Variants in GTF3A observed in about 807,000 individuals in gnomAD.
GTF3A encodes general transcription factor IIIA.
A neutral mutation model predicts 37.6 loss-of-function variants in GTF3A; 40 were observed. That is an observed-to-expected ratio of 1.06 (90% CI 0.83 to 1.38). The LOEUF (loss-of-function observed/expected upper bound fraction) is 1.38, where lower values mean the gene tolerates loss of function less well. Ranked by LOEUF, GTF3A falls within the 40% of genes most tolerant of loss-of-function variation. The pLI, the probability that GTF3A is intolerant of heterozygous loss-of-function variation, is 0.00. For synonymous variants in GTF3A, 191 were observed against 166.7 expected (o/e 1.15, Z -1.12); for missense variants, 500 against 462.6 (o/e 1.08, Z -0.74).
intron 1 of GTF3A, among the ~76,000 whole-genome samples, chr13:27,426,875 C>T (rs1407205477): frequency 6.6e-6 from 1 of 152,146 alleles, no homozygotes; most frequent in African/African-American, 2.4e-5. Context: ...GTTCATGGAA[C>T]AAAAATCTGT....
intron 7 of GTF3A, 23 bp from the exon 8 acceptor site, chr13:27,435,110 A>C (rs117163394): frequency 0.026 from 40,928 of 1,594,472 alleles, 654 homozygotes; most frequent in Middle Eastern, 0.051. Context: ...ATATTTCATT[A>C]ATAACTTTCT....
At chr13:27,433,296 A>G (rs2138027925) in intron 5 of GTF3A, among the ~76,000 whole-genome samples, 1 of 147,930 alleles carries the variant, frequency 6.8e-6, no homozygotes, top group East Asian at 2.0e-4. Flanking sequence ...CTGTATTTCA[A>G]TTTCCCAGGT....
rs749148883 is a variant in GTF3A at position 27,435,532 on chromosome 13, GGA to G, written c.1037_1038del (p.Glu346ValfsTer53). On this transcript the variant is annotated frameshift_variant, in exon 9 of 9. Coordinates refer to ENST00000381140, the MANE Select transcript of GTF3A (RefSeq NM_002097.3). LOFTEE classifies it low-confidence loss of function (END_TRUNC). ...GCAAGGCTTATCTTTGTGTCAAAACGGAGAGTCACCCAACTGTGTGGAAGACA... is the reference window on the plus strand; with the variant it reads ...GCAAGGCTTATCTTTGTGTCAAAACGGAGTCACCCAACTGTGTGGAAGACA... 1.9e-6 allele frequency: 3 copies of G among 1,613,312 alleles called. No individual in the cohort carries two copies. The highest frequency in any genetic ancestry group is 2.5e-6 in the Non-Finnish European group (3 of 1,179,490).
At chr13:27,425,454 C>T (rs1413324308) in intron 1 of GTF3A, 1 of 152,912 alleles carries the variant, frequency 6.5e-6, no homozygotes, top group Non-Finnish European at 1.5e-5. Context: ...GTGTTGTGGT[C>T]AGGAAAGGCC....
At position 27,434,148 on chromosome 13, in the gene GTF3A, G is replaced by A. The variant is rs767258413; in HGVS notation, c.572G>A (p.Cys191Tyr). ...CCAATTTTTTTAATAGGCTATGTATGTCAAAAAGGATGTTCCTTTGTGGCA... is the reference window on the plus strand; with the variant it reads ...CCAATTTTTTTAATAGGCTATGTATATCAAAAAGGATGTTCCTTTGTGGCA... Residue 191 changes from cysteine (C) to tyrosine (Y), a missense_variant, in exon 6 of 9, where the codon TGT becomes TAT. Coordinates refer to ENST00000381140, the MANE Select transcript of GTF3A (RefSeq NM_002097.3). 2 of 1,272,952 alleles carry A rather than the reference G, an allele frequency of 1.6e-6. No individual in the cohort carries two copies. The highest frequency in any genetic ancestry group is 4.6e-5 in the East Asian group (2 of 43,352). 78.9% of individuals were successfully genotyped at this position (1,272,952 alleles called of 1,614,324 possible). A position where few individuals can be genotyped will look rare whatever the true frequency, so the allele number is the denominator to read the frequency against.
chr13:27,430,126 G>GAA (rs373117287), intron 3 of GTF3A, among the ~76,000 whole-genome samples, 160 bp downstream of exon 3: 19,194 of 142,120 alleles, frequency 0.14, 1,599 homozygotes, highest in Non-Finnish European at 0.19. Context: ...TGCTGTCTCT[G>GAA]AAAAAAAAAA....
chr13:27,432,524 G>C (rs533622564), intron 4 of GTF3A, among the ~76,000 whole-genome samples: 1 of 152,274 alleles, frequency 6.6e-6, no homozygotes, highest in African/African-American at 2.4e-5. Flanking sequence ...AAAAAGTAAC[G>C]TGACTTTTTT....
At chr13:27,434,611 G>A (rs1953691882) in intron 6 of GTF3A, 194 bp from the exon 7 acceptor site, 2 of 580,138 alleles carry the variant, frequency 3.4e-6, no homozygotes, top group South Asian at 2.3e-5. Flanking sequence ...ATGACTGTGT[G>A]GCATTTAAGA....
At chr13:27,435,407 ATCG>A in intron 8 of GTF3A, 23 bp from the exon 9 acceptor site, 1 of 1,602,762 alleles carries the variant, frequency 6.2e-7, no homozygotes, top group Non-Finnish European at 8.5e-7. Flanking sequence ...TTGAATTCTA[ATCG>A]TGTGTCTTCC....
At chr13:27,434,060 C>T (rs1865281332) in intron 5 of GTF3A, 79 bp from the exon 6 acceptor site, 2 of 726,888 alleles carry the variant, frequency 2.8e-6, no homozygotes, top group Non-Finnish European at 5.1e-6. Flanking sequence ...ATTATATAGG[C>T]ACCTAAGTTT....
intron 1 of GTF3A, among the ~76,000 whole-genome samples, chr13:27,426,680 A>C (rs1244391278): frequency 6.6e-6 from 1 of 152,160 alleles, no homozygotes. Flanking sequence ...GTCTGGGATG[A>C]GACAGGCCTC....
chr13:27,434,459 C>T (rs1227855116), intron 6 of GTF3A, among the ~76,000 whole-genome samples: 2 of 152,162 alleles, frequency 1.3e-5, no homozygotes, highest in Non-Finnish European at 2.9e-5. Flanking sequence ...TGAAGAATTT[C>T]GGGAGGCACT....
rs772932088 is a variant in GTF3A at position 27,434,816 on chromosome 13, T to A, written c.655T>A (p.Cys219Ser). ...GTCTGTCCCACCAGAGGAAATACTATGTGAAGTATGCCGGAAAACATTTAA... is the reference window on the plus strand; with the variant it reads ...GTCTGTCCCACCAGAGGAAATACTAAGTGAAGTATGCCGGAAAACATTTAA... The change falls in exon 7 of 9, where the codon TGT becomes AGT. Residue 219 changes from cysteine (C) to serine (S), a missense_variant. Coordinates refer to ENST00000381140, the MANE Select transcript of GTF3A (RefSeq NM_002097.3). The A allele has an allele frequency of 1.2e-6, 2 of 1,606,068 alleles. No individual in the cohort carries two copies. Among genetic ancestry groups the A allele is most frequent in the African/African-American group, 2.7e-5 (2 of 74,714 alleles).
intron 6 of GTF3A, 36 bp downstream of exon 6, chr13:27,434,255 G>C: frequency 2.4e-6 from 2 of 830,692 alleles, no homozygotes; most frequent in Non-Finnish European, 4.3e-6. Context: ...TGGTGTAAAT[G>C]TTTGTCCCCA....
At chr13:27,428,191 T>C (rs1337358631) in intron 2 of GTF3A, among the ~76,000 whole-genome samples, 1 of 152,200 alleles carries the variant, frequency 6.6e-6, no homozygotes, top group Non-Finnish European at 1.5e-5. Context: ...TCTTCTCTCA[T>C]GTTCTTGTCT....
In GTF3A at chr13:27,434,844, G is replaced by A. The variant is rs758878764; in HGVS notation, c.683G>A (p.Arg228His). Residue 228 changes from arginine (R) to histidine (H), a missense_variant, in exon 7 of 9, where the codon CGC (arginine) becomes CAC (histidine). Physicochemically the swap from Arg to His is conservative, Grantham distance 29. Coordinates refer to ENST00000381140, the MANE Select transcript of GTF3A (RefSeq NM_002097.3). ...GAAGTATGCCGGAAAACATTTAAAC[G>A]CAAAGATTACCTTAAGCAACACATG... 22 of 1,612,452 alleles carry A rather than the reference G, an allele frequency of 1.4e-5. No individual in the cohort carries two copies. In the African/African-American group the frequency reaches 1.9e-4, roughly 14 times the overall value.
chr13:27,433,754 A>G (rs2760898), intron 5 of GTF3A, among the ~76,000 whole-genome samples: 83,415 of 151,676 alleles, frequency 0.55, 24,879 homozygotes, highest in South Asian at 0.68. Flanking sequence ...GAAGGGAAAT[A>G]AGACATGGAG....
intron 6 of GTF3A, 137 bp downstream of exon 6, chr13:27,434,356 G>C (rs1953688455): frequency 1.5e-6 from 1 of 673,888 alleles, no homozygotes; most frequent in Non-Finnish European, 2.7e-6. Flanking sequence ...TGCTGGGTAT[G>C]ATGTTGTTGG....
chr13:27,430,489 G>T (rs763260474), intron 3 of GTF3A, 44 bp from the exon 4 acceptor site: 6 of 1,218,102 alleles, frequency 4.9e-6, no homozygotes, highest in Non-Finnish European at 7.2e-6. Flanking sequence ...TGTTCATTTT[G>T]TTTTGACTTT....
Sources: allele counts gnomAD v4.1 joint callset (sites outside exome capture counted in the v4.1 genomes callset), GRCh38; gene constraint gnomAD v4.1.1; transcripts MANE v1.5; gene names NCBI Gene and HGNC (gene_info 2026-07-23, HGNC 2026-07-21).